Variants in ZSWIM6 observed in about 807,000 individuals in gnomAD.
The protein encoded by ZSWIM6 is zinc finger SWIM domain-containing protein 6.
Under a neutral mutation model 113.2 loss-of-function variants are expected in ZSWIM6, and 9 were observed. The ratio of observed to expected loss-of-function variants is 0.08; its 90% CI spans 0.05 to 0.14. The LOEUF (loss-of-function observed/expected upper bound fraction) is 0.14, where lower values mean the gene tolerates loss of function less well. Ranked by LOEUF, ZSWIM6 falls within the 10% of genes least tolerant of loss-of-function variation. ZSWIM6 has a pLI of 1.00. For missense variants in ZSWIM6, 1,162 were observed against 1,552.2 expected (o/e 0.75, Z 4.22); for synonymous variants, 611 against 606.5 (o/e 1.01, Z -0.11).
intron 1 of ZSWIM6, among the ~76,000 whole-genome samples, chr5:61,454,281 G>A (rs1380742747): frequency 7.6e-6 from 1 of 131,170 alleles, no homozygotes; most frequent in African/African-American, 3.0e-5. Context: ...TTTTTGAGAC[G>A]AGTCCTCACT....
chr5:61,384,247 C>CAAAA (rs57899277), intron 1 of ZSWIM6, among the ~76,000 whole-genome samples: 1 of 77,514 alleles, frequency 1.3e-5, no homozygotes. Flanking sequence ...GACTCCGTCT[C>CAAAA]AAAAAAAAAA....
At chr5:61,406,677 T>C (rs1746048878) in intron 1 of ZSWIM6, among the ~76,000 whole-genome samples, 1 of 147,984 alleles carries the variant, frequency 6.8e-6, no homozygotes, top group Non-Finnish European at 1.5e-5. Flanking sequence ...TACTATAATT[T>C]ATCTCAGAAA....
chr5:61,364,278 T>C (rs965377944), intron 1 of ZSWIM6, among the ~76,000 whole-genome samples: 1 of 152,170 alleles, frequency 6.6e-6, no homozygotes, highest in Non-Finnish European at 1.5e-5. Flanking sequence ...AACATAATTC[T>C]AAAATTGTAG....
At chr5:61,422,578 A>AT (rs970374278) in intron 1 of ZSWIM6, among the ~76,000 whole-genome samples, 9 of 151,292 alleles carry the variant, frequency 5.9e-5, no homozygotes, top group African/African-American at 9.7e-5. Context: ...AAAGTTTAGG[A>AT]TTTTTTTTTC....
At chr5:61,480,769 G>A (rs933636742) in intron 2 of ZSWIM6, among the ~76,000 whole-genome samples, 2 of 152,114 alleles carry the variant, frequency 1.3e-5, no homozygotes, top group Non-Finnish European at 2.9e-5. Context: ...AGTCTGAGTC[G>A]CTAAAGTTTG....
At chr5:61,437,446 G>C (rs1156623354) in intron 1 of ZSWIM6, among the ~76,000 whole-genome samples, 2 of 152,098 alleles carry the variant, frequency 1.3e-5, no homozygotes, top group Non-Finnish European at 2.9e-5. Flanking sequence ...ATCCAGGCCG[G>C]GTGCGGTGGC....
chr5:61,382,529 C>T (rs1579965814), intron 1 of ZSWIM6, among the ~76,000 whole-genome samples: 1 of 152,088 alleles, frequency 6.6e-6, no homozygotes, highest in Non-Finnish European at 1.5e-5. Flanking sequence ...TTGGGCTGGG[C>T]GCAGTGGCTC....
At chr5:61,449,095 A>G (rs1215911444) in intron 1 of ZSWIM6, among the ~76,000 whole-genome samples, 3 of 152,154 alleles carry the variant, frequency 2.0e-5, no homozygotes, top group Non-Finnish European at 4.4e-5. Flanking sequence ...ACTCCTGGTA[A>G]GTGTTTTGTA....
chr5:61,490,743 T>C, intron 2 of ZSWIM6, 43 bp from the exon 3 acceptor site: 4 of 1,531,084 alleles, frequency 2.6e-6, no homozygotes, highest in Non-Finnish European at 3.5e-6. Flanking sequence ...AGCACAGAGT[T>C]TTTATCTAGC....
intron 1 of ZSWIM6, among the ~76,000 whole-genome samples, chr5:61,420,530 G>A (rs187529931): frequency 4.1e-4 from 62 of 152,070 alleles, no homozygotes; most frequent in Admixed American, 1.3e-3. Context: ...GGGGCATGGT[G>A]TTAAGCATTA....
At chr5:61,347,282 C>T in intron 1 of ZSWIM6, 1 of 178,368 alleles carries the variant, frequency 5.6e-6, no homozygotes. Context: ...ATGGTGGCAT[C>T]ACCATTGGCT....
intron 2 of ZSWIM6, 51 bp from the exon 3 acceptor site, chr5:61,490,735 C>A: frequency 6.6e-7 from 1 of 1,518,354 alleles, no homozygotes; most frequent in Non-Finnish European, 8.8e-7. Context: ...ATCCTTTTAG[C>A]ACAGAGTTTT....
chr5:61,472,265 G>A lies in ZSWIM6; in HGVS notation c.677-416G>A, dbSNP rs1307267774. ...TTAGTTTGTTTTTGAGAAGAAAGCT[G>A]AGCTAGGTGACTCTGCTTAAAAAAG... On this transcript the variant is annotated intron_variant, in intron 1 of 13. Coordinates refer to ENST00000252744, the MANE Select transcript of ZSWIM6 (RefSeq NM_020928.2). The surrounding 1 kb of genome is among the most constrained non-coding windows in gnomAD (Gnocchi z 4.1). 6.6e-6 allele frequency among the ~76,000 whole-genome samples: 1 copy of A among 152,102 alleles called. No individual in the cohort carries two copies. Among genetic ancestry groups the A allele is most frequent in the Non-Finnish European group, 1.5e-5 (1 of 68,020 alleles).
intron 1 of ZSWIM6, among the ~76,000 whole-genome samples, chr5:61,389,018 A>G (rs948608187): frequency 6.6e-6 from 1 of 152,186 alleles, no homozygotes; most frequent in African/African-American, 2.4e-5. Context: ...GTACCGGGAC[A>G]CATACCTGCA....
chr5:61,522,450 A>G (rs1749158700), intron 5 of ZSWIM6, among the ~76,000 whole-genome samples: 1 of 152,200 alleles, frequency 6.6e-6, no homozygotes, highest in African/African-American at 2.4e-5. Context: ...TTGTACTACT[A>G]GAAATAACTG....
intron 1 of ZSWIM6, among the ~76,000 whole-genome samples, chr5:61,463,867 A>G (rs569534737): frequency 1.3e-5 from 2 of 152,172 alleles, no homozygotes; most frequent in Admixed American, 6.5e-5. Context: ...GGCCTGGCCT[A>G]TTCTAAGAAC....
intron 1 of ZSWIM6, among the ~76,000 whole-genome samples, chr5:61,420,486 A>G (rs995482428): frequency 2.7e-5 from 4 of 150,178 alleles, no homozygotes; most frequent in Non-Finnish European, 6.0e-5. Flanking sequence ...TTTTACCAGA[A>G]CACAATTTTT....
chr5:61,353,913 C>T (rs549355361), intron 1 of ZSWIM6, among the ~76,000 whole-genome samples: 2 of 152,276 alleles, frequency 1.3e-5, no homozygotes, highest in South Asian at 2.1e-4. Context: ...GGCACAACTT[C>T]GAGTTCTTGT....
intron 1 of ZSWIM6, among the ~76,000 whole-genome samples, chr5:61,415,777 G>A (rs1746240038): frequency 6.6e-6 from 1 of 152,128 alleles, no homozygotes; most frequent in African/African-American, 2.4e-5. Flanking sequence ...GCTGCTGGAT[G>A]AGCTCAAGTT....
Sources: allele counts gnomAD v4.1 joint callset (sites outside exome capture counted in the v4.1 genomes callset), GRCh38; gene constraint gnomAD v4.1.1; non-coding constraint Gnocchi (gnomAD v3.1); transcripts MANE v1.5; gene names NCBI Gene and HGNC (gene_info 2026-07-23, HGNC 2026-07-21).